Variants in LIMCH1 observed in about 807,000 individuals in gnomAD.
LIMCH1 encodes LIM and calponin homology domains-containing protein 1.
A neutral mutation model predicts 176.5 loss-of-function variants in LIMCH1; 113 were observed. The ratio of observed to expected loss-of-function variants is 0.64; its 90% CI spans 0.55 to 0.75. LIMCH1 has a LOEUF of 0.75. LIMCH1 is among the 30% of genes least tolerant of loss of function. LIMCH1 has a pLI of 0.00. For synonymous variants in LIMCH1, 619 were observed against 645.9 expected (o/e 0.96, Z 0.63); for missense variants, 1,674 against 1,814.9 (o/e 0.92, Z 1.41).
chr4:41,486,977 T>TGC (rs375716655), intron 1 of LIMCH1, among the ~76,000 whole-genome samples: 1 of 138,404 alleles, frequency 7.2e-6, no homozygotes, highest in African/African-American at 2.6e-5. Context: ...CACACATACA[T>TGC]ACACACACAC....
intron 1 of LIMCH1, among the ~76,000 whole-genome samples, chr4:41,443,913 G>A (rs541061284): frequency 9.2e-5 from 14 of 152,304 alleles, no homozygotes; most frequent in Admixed American, 9.1e-4. Flanking sequence ...ATGTCTTGAA[G>A]AATATGCTCA....
intron 1 of LIMCH1, among the ~76,000 whole-genome samples, 165 bp downstream of exon 1, chr4:41,538,515 G>A (rs1248401372): frequency 1.3e-5 from 2 of 149,452 alleles, no homozygotes; most frequent in African/African-American, 4.9e-5. Flanking sequence ...GATTCATCTT[G>A]TCCTTTGATA....
chr4:41,627,339 C>T (rs925478249), intron 8 of LIMCH1, among the ~76,000 whole-genome samples: 3 of 152,028 alleles, frequency 2.0e-5, no homozygotes, highest in African/African-American at 2.4e-5. Context: ...CATCAGTTGG[C>T]ATTATTAGCA....
At chr4:41,373,219 T>A (rs2054239902) in intron 1 of LIMCH1, among the ~76,000 whole-genome samples, 1 of 152,178 alleles carries the variant, frequency 6.6e-6, no homozygotes. Context: ...ACCCCAAGGA[T>A]GAGCAGGGGT....
chr4:41,612,209 G>A (rs1002241248), intron 4 of LIMCH1: 1 of 234,162 alleles, frequency 4.3e-6, no homozygotes, highest in African/African-American at 2.3e-5. Flanking sequence ...CTCCTGCTGC[G>A]GAGTATGTCA....
chr4:41,689,460 A>G, intron 29 of LIMCH1, 67 bp from the exon 30 acceptor site: 3 of 823,800 alleles, frequency 3.6e-6, no homozygotes, highest in South Asian at 2.8e-5. Context: ...ATGAGGTTAC[A>G]TGTCTGTGTG....
chr4:41,387,390 T>C (rs2056642334), intron 1 of LIMCH1, among the ~76,000 whole-genome samples: 1 of 152,376 alleles, frequency 6.6e-6, no homozygotes, highest in South Asian at 2.1e-4. Flanking sequence ...TTACAATGAA[T>C]ATACATTTCC....
At position 41,460,168 on chromosome 4, in the gene LIMCH1, A is replaced by G. The variant is rs1332391792; in HGVS notation, c.97-34368A>G. On this transcript the variant is annotated intron_variant, in intron 1 of 26. Transcript: ENST00000313860. ...TCTAATTGACTATAAAAATCTGCAC[A>G]GTCAATATGGTAGCCACTAGTCAGG... Among the ~76,000 whole-genome samples the G allele has an allele frequency of 2.6e-5, 4 of 152,268 alleles. No homozygotes were observed. In the South Asian group the frequency reaches 6.2e-4, roughly 24 times the overall value.
chr4:41,566,741 C>T (rs2082826097), intron 1 of LIMCH1, among the ~76,000 whole-genome samples: 1 of 152,140 alleles, frequency 6.6e-6, no homozygotes, highest in African/African-American at 2.4e-5. Context: ...TGATAAACAT[C>T]TCATCATACA....
At chr4:41,439,882 C>T (rs1424896915) in intron 1 of LIMCH1, among the ~76,000 whole-genome samples, 6 of 151,976 alleles carry the variant, frequency 3.9e-5, no homozygotes, top group South Asian at 2.1e-4. Flanking sequence ...CCAGCCTGGG[C>T]GACAGGGCAA....
intron 21 of LIMCH1, 120 bp from the exon 22 acceptor site, chr4:41,671,434 A>T: frequency 1.5e-6 from 1 of 682,166 alleles, no homozygotes; most frequent in Non-Finnish European, 2.6e-6. Flanking sequence ...ACACACACAC[A>T]CACACAAAAT....
At chr4:41,603,984 C>A in intron 3 of LIMCH1, 79 bp downstream of exon 3, 2 of 1,257,126 alleles carry the variant, frequency 1.6e-6, no homozygotes, top group South Asian at 1.3e-5. Flanking sequence ...TCTCATATGC[C>A]TTGCTGGAAA....
At chr4:41,507,130 A>G (rs1295679450) in intron 2 of LIMCH1, among the ~76,000 whole-genome samples, 2 of 152,218 alleles carry the variant, frequency 1.3e-5, no homozygotes, top group Non-Finnish European at 2.9e-5. Context: ...TGAACAGCCA[A>G]ATGGAAGATG....
At chr4:41,515,498 T>C (rs777075916) in intron 2 of LIMCH1, among the ~76,000 whole-genome samples, 5 of 152,236 alleles carry the variant, frequency 3.3e-5, no homozygotes, top group Non-Finnish European at 5.9e-5. Context: ...GAGGGCTGCA[T>C]TGAAATCTGC....
intron 21 of LIMCH1, chr4:41,671,100 T>A (rs2095005349): frequency 3.2e-6 from 2 of 622,886 alleles, no homozygotes; most frequent in Non-Finnish European, 4.0e-6. Context: ...CAGAAACTGA[T>A]CATAGTTCTC....
At chr4:41,533,809 G>C (rs182761905), upstream of LIMCH1, among the ~76,000 whole-genome samples, 1 of 152,304 alleles carries the variant, frequency 6.6e-6, no homozygotes, top group East Asian at 1.9e-4. Flanking sequence ...GAAGATCATG[G>C]AGTTAGAGGA....
intron 18 of LIMCH1, among the ~76,000 whole-genome samples, chr4:41,659,102 AC>A (rs1490600930): frequency 6.6e-6 from 1 of 152,184 alleles, no homozygotes; most frequent in African/African-American, 2.4e-5. Context: ...AAATCCTACT[AC>A]CATGTTGGAG....
chr4:41,600,938 T>TC (rs780118785), intron 2 of LIMCH1, among the ~76,000 whole-genome samples: 11 of 152,350 alleles, frequency 7.2e-5, no homozygotes, highest in South Asian at 4.1e-4. Context: ...CGTCTTTTTT[T>TC]CTGTCTCCTT....
In LIMCH1 at chr4:41,646,474, A is replaced by G. The variant is rs767024736; in HGVS notation, c.2412-11A>G. On this transcript the variant is annotated splice_polypyrimidine_tract_variant and intron_variant, in intron 16 of 31. Transcript: ENST00000503057. ...AGTTGACTTTGTTATTGCTTCTCCC[A>G]TGTCCTTTAGAGAGCGGAGAGAGAG... The G allele has an allele frequency of 8.7e-6, 14 of 1,607,734 alleles. No individual in the cohort carries two copies. The South Asian group carries it at 1.2e-4, about 14-fold the overall frequency.
Sources: gnomAD v4.1 joint callset for allele counts (sites outside exome capture counted in the v4.1 genomes callset) on GRCh38, gnomAD v4.1.1 for gene constraint, MANE v1.5 for transcripts, NCBI Gene and HGNC (gene_info 2026-07-23, HGNC 2026-07-21) for gene names.